The following ANO3 variants were observed in gnomAD, a reference collection of about 807,000 sequenced individuals.
ANO3 encodes the protein anoctamin-3.
In ANO3, 99 loss-of-function variants were observed where a neutral mutation model predicts 144.8. That is an observed-to-expected ratio of 0.68 (90% CI 0.58 to 0.81). The LOEUF is 0.81. ANO3 is among the 30% of genes least tolerant of loss of function. ANO3 has a pLI of 0.00. For missense variants in ANO3, 905 were observed against 1,202.2 expected (o/e 0.75, Z 3.66); for synonymous variants, 414 against 392.6 (o/e 1.05, Z -0.64).
At chr11:26,202,612 C>A (rs1851720002) in intron 1 of ANO3, among the ~76,000 whole-genome samples, 1 of 151,104 alleles carries the variant, frequency 6.6e-6, no homozygotes, top group Non-Finnish European at 1.5e-5. Context: ...TGAACAGAAA[C>A]CTTATGAATG....
In ANO3 at chr11:26,271,309, T is replaced by A. The variant is rs181278749; in HGVS notation, c.155-38336T>A. ...TCCTATCTAGTTTGAAACAGATACA[T>A]CTTATGGGAGGTAAACTTGCCCCTG... On this transcript the variant is annotated intron_variant, in intron 1 of 27. Coordinates refer to the ANO3 transcript ENST00000672621. Among the ~76,000 whole-genome samples, 214 of 152,278 alleles carry A rather than the reference T, an allele frequency of 1.4e-3. 1 individual carries two copies. Among genetic ancestry groups the A allele is most frequent in the African/African-American group, 4.9e-3 (204 of 41,550 alleles).
chr11:26,565,234 T>C, intron 14 of ANO3: 2 of 1,541,628 alleles, frequency 1.3e-6, no homozygotes, highest in Non-Finnish European at 1.7e-6. Context: ...GGCTGTAGAG[T>C]TGTTTTTTCT....
Position 26,365,665 on chromosome 11 carries a change from C to T in ANO3, c.46+33344C>T, listed in dbSNP as rs185550057. 6.4e-3 allele frequency among the ~76,000 whole-genome samples: 980 copies of T among 152,228 alleles called. 6 individuals are homozygous for T. Among genetic ancestry groups the T allele is most frequent in the Middle Eastern group, 0.017 (5 of 294 alleles). On this transcript the variant is annotated intron_variant, in intron 1 of 26. Coordinates refer to ENST00000256737, the MANE Select transcript of ANO3 (RefSeq NM_031418.4). Reference sequence around the variant, plus strand: ...AGTAGTGACTAAAGCTGTACCTGGACGCCTTTGAGCTGAGGCTGAAGCCAG... The same window carrying T: ...AGTAGTGACTAAAGCTGTACCTGGATGCCTTTGAGCTGAGGCTGAAGCCAG...
intron 1 of ANO3, among the ~76,000 whole-genome samples, chr11:26,190,807 C>A (rs1224032482): frequency 6.6e-6 from 1 of 152,180 alleles, no homozygotes; most frequent in African/African-American, 2.4e-5. Context: ...GAAGACACTT[C>A]CACCTTGCTA....
At chr11:26,643,381 G>A (rs563249070) in intron 23 of ANO3, 47 bp downstream of exon 23, 1 of 1,603,714 alleles carries the variant, frequency 6.2e-7, no homozygotes, top group East Asian at 2.2e-5. Flanking sequence ...ACACCAATAG[G>A]TTGCTATGGT....
At chr11:26,604,727 T>C (rs1282371915) in intron 17 of ANO3, among the ~76,000 whole-genome samples, 1 of 151,936 alleles carries the variant, frequency 6.6e-6, no homozygotes, top group Non-Finnish European at 1.5e-5. Flanking sequence ...CTATTGATGG[T>C]ATGTATAGGA....
chr11:26,627,718 A>G (rs1010400403), intron 18 of ANO3, among the ~76,000 whole-genome samples: 2 of 151,964 alleles, frequency 1.3e-5, no homozygotes, highest in African/African-American at 4.8e-5. Flanking sequence ...TAATCCAGTG[A>G]TGATTTATGT....
chr11:26,276,344 C>A (rs1853559998), intron 1 of ANO3, among the ~76,000 whole-genome samples: 1 of 152,072 alleles, frequency 6.6e-6, no homozygotes, highest in Admixed American at 6.6e-5. Context: ...TTTTAGCAAC[C>A]ATCCCCAGGT....
chr11:26,426,412 C>A (rs1857922779), intron 1 of ANO3, among the ~76,000 whole-genome samples: 3 of 151,824 alleles, frequency 2.0e-5, no homozygotes, highest in African/African-American at 7.3e-5. Flanking sequence ...CATGTCTAGT[C>A]CAAATGATAA....
At position 26,650,413 on chromosome 11, in the gene ANO3, A is replaced by G. The variant is rs1853493027; in HGVS notation, c.2576+2557A>G. Among the ~76,000 whole-genome samples, 2 of 152,284 alleles carry G rather than the reference A, an allele frequency of 1.3e-5. 1 individual carries two copies. Among genetic ancestry groups the G allele is most frequent in the East Asian group, 3.9e-4 (2 of 5,180 alleles). Reference sequence around the variant, plus strand: ...TAGGTTCCGAGGGCAGTCCTTCTTAACATGTGGTCTGCAGATCTCCTTCAG... The same window carrying G: ...TAGGTTCCGAGGGCAGTCCTTCTTAGCATGTGGTCTGCAGATCTCCTTCAG... On this transcript the variant is annotated intron_variant, in intron 24 of 26. Coordinates refer to ENST00000256737, the MANE Select transcript of ANO3 (RefSeq NM_031418.4).
At chr11:26,509,161 C>T (rs1861554060) in intron 5 of ANO3, among the ~76,000 whole-genome samples, 1 of 151,212 alleles carries the variant, frequency 6.6e-6, no homozygotes, top group African/African-American at 2.4e-5. Context: ...CAATATATTA[C>T]AGATATCTTA....
At chr11:26,188,892 G>C (rs560497261) in exon 1 of ANO3, among the ~76,000 whole-genome samples, 4 of 152,244 alleles carry the variant, frequency 2.6e-5, no homozygotes, top group African/African-American at 9.6e-5. Context: ...TCTGAGATGG[G>C]ATAGGTGCTG....
At position 26,495,490 on chromosome 11, in the gene ANO3, G is replaced by A. The variant is rs958741139; in HGVS notation, c.433-12614G>A. 2.6e-5 allele frequency among the ~76,000 whole-genome samples: 4 copies of A among 152,058 alleles called. 1 individual carries two copies. In the South Asian group the frequency reaches 8.3e-4, roughly 31 times the overall value. The stretch of plus-strand genomic sequence containing the variant: ...GGAAAAATAGGCATGAATATTTTAT[G>A]ATATGTTTTCCATGCCAGCTTTCCA... On this transcript the variant is annotated intron_variant, in intron 4 of 26. Coordinates refer to ENST00000256737, the MANE Select transcript of ANO3 (RefSeq NM_031418.4).
chr11:26,454,806 T>C (rs2134044319), intron 3 of ANO3, among the ~76,000 whole-genome samples: 1 of 152,168 alleles, frequency 6.6e-6, no homozygotes, highest in Middle Eastern at 3.4e-3. Context: ...TTGATGAACA[T>C]TGATGCAAAA....
chr11:26,404,933 ATGTGTGTGTGTG>A lies in ANO3; in HGVS notation c.47-36949_47-36938del, dbSNP rs56103536. ...TAATTTCAGCAAGGAATTTATATAT[ATGTGTGTGTGTG>A]TGTGTGTGTGTGTGTGTGTGTGTGT... is the stretch of plus-strand genomic sequence containing the variant. On this transcript the variant is annotated intron_variant, in intron 1 of 26. Coordinates refer to ENST00000256737, the MANE Select transcript of ANO3 (RefSeq NM_031418.4). Among the ~76,000 whole-genome samples the A allele has an allele frequency of 9.8e-3, 1,432 of 146,250 alleles. 16 individuals carry two copies. Among genetic ancestry groups the A allele is most frequent in the Non-Finnish European group, 0.012 (822 of 66,376 alleles).
chr11:26,478,919 C>G (rs1301528543), intron 4 of ANO3, among the ~76,000 whole-genome samples: 2 of 152,186 alleles, frequency 1.3e-5, no homozygotes, highest in East Asian at 3.9e-4. Flanking sequence ...GCAGAGCTCT[C>G]TGAATTTCTT....
At chr11:26,261,781 C>T (rs1316630542) in intron 1 of ANO3, among the ~76,000 whole-genome samples, 1 of 152,160 alleles carries the variant, frequency 6.6e-6, no homozygotes, top group Non-Finnish European at 1.5e-5. Flanking sequence ...AGAGTAATGG[C>T]TTAGCTTTGT....
intron 6 of ANO3, among the ~76,000 whole-genome samples, chr11:26,522,447 A>G (rs1862121143): frequency 1.3e-5 from 2 of 152,182 alleles, no homozygotes; most frequent in Admixed American, 1.3e-4. Context: ...TGGTTGAGAC[A>G]ATCATTTACT....
chr11:26,622,224 C>T (rs770412572), intron 17 of ANO3, among the ~76,000 whole-genome samples: 15 of 151,898 alleles, frequency 9.9e-5, no homozygotes, highest in Non-Finnish European at 1.6e-4. Flanking sequence ...AACTTTTTTC[C>T]CAGTGTTATT....
Sources: allele counts gnomAD v4.1 joint callset (sites outside exome capture counted in the v4.1 genomes callset), GRCh38; gene constraint gnomAD v4.1.1; transcripts MANE v1.5; gene names NCBI Gene and HGNC (gene_info 2026-07-23, HGNC 2026-07-21).